The following SEC62 variants were observed in gnomAD, a reference collection of about 807,000 sequenced individuals.
The protein encoded by SEC62 is SEC62 preprotein translocation factor.
SEC62 carries 10 observed loss-of-function variants against 47.5 expected under a neutral mutation model. That is an observed-to-expected ratio of 0.21 (90% CI 0.13 to 0.36). SEC62 has a LOEUF of 0.36. SEC62 is among the 10% of genes least tolerant of loss of function. The pLI is 1.00. For synonymous variants in SEC62, 136 were observed against 150.5 expected, an observed-to-expected ratio of 0.90 and a Z score of 0.71; for missense variants, 327 against 464.1, an observed-to-expected ratio of 0.70 and a Z score of 2.71.
At chr3:169,983,833 A>G (rs1715035552) in intron 5 of SEC62, 1 of 152,220 alleles carries the variant, frequency 6.6e-6, no homozygotes, top group South Asian at 2.1e-4. Context: ...CCCAGCCGAA[A>G]TGTAGGGTTT....
chr3:169,982,682 A>G, intron 3 of SEC62, 25 bp from the exon 4 acceptor site: 1 of 1,602,036 alleles, frequency 6.2e-7, no homozygotes, highest in Non-Finnish European at 8.5e-7. Flanking sequence ...TGGGGAGTGT[A>G]ATGCCATACC....
intron 1 of SEC62, among the ~76,000 whole-genome samples, chr3:169,972,167 T>C (rs1189242372): frequency 6.6e-6 from 1 of 152,196 alleles, no homozygotes; most frequent in Non-Finnish European, 1.5e-5. Flanking sequence ...ATTTTTCTAG[T>C]TATGTCCTAT....
intron 4 of SEC62, 43 bp downstream of exon 4, chr3:169,982,954 G>A: frequency 6.5e-7 from 1 of 1,549,564 alleles, no homozygotes; most frequent in South Asian, 1.3e-5. Flanking sequence ...AAATCATTAT[G>A]TGCACATGAA....
Position 169,969,890 on chromosome 3 carries a change from T to A in SEC62, c.36+3032T>A, listed in dbSNP as rs973265448. On this transcript the variant is annotated intron_variant, in intron 1 of 7. Coordinates refer to ENST00000337002, the MANE Select transcript of SEC62 (RefSeq NM_003262.4). ...CATTTAAATGGCTAATTCTTAGAAC[T>A]TTTATAACCCTCCATTAGTTATTTT... 2.0e-5 allele frequency among the ~76,000 whole-genome samples: 3 copies of A among 152,328 alleles called. No homozygotes were observed. The South Asian group carries it at 6.2e-4, about 32-fold the overall frequency.
At chr3:169,975,565 C>T in intron 1 of SEC62, 43 bp from the exon 2 acceptor site, 2 of 1,222,160 alleles carry the variant, frequency 1.6e-6, no homozygotes, top group Non-Finnish European at 2.4e-6. Flanking sequence ...GCATGAATTT[C>T]TCAAGTATAT....
rs1320007248 is a variant in SEC62 at position 169,993,371 on chromosome 3, A to G, written c.*308A>G. The G allele has an allele frequency of 2.4e-5, 6 of 246,606 alleles. No homozygotes were observed. In the East Asian group the frequency reaches 5.2e-4, roughly 21 times the overall value. 15.3% of individuals were successfully genotyped at this position (246,606 alleles called of 1,614,324 possible). On this transcript the variant is annotated 3_prime_UTR_variant, in exon 8 of 8. Coordinates refer to ENST00000337002, the MANE Select transcript of SEC62 (RefSeq NM_003262.4). ...ATTTACATTAATGGCAATTTTTGAT[A>G]GTTTTATGGCTTTTTACTGTTAGAC...
intron 5 of SEC62, 97 bp from the exon 6 acceptor site, chr3:169,985,708 T>A: frequency 1.2e-6 from 1 of 833,502 alleles, no homozygotes; most frequent in Admixed American, 2.6e-5. Context: ...GTTAAGAGGT[T>A]GATGACTGCT....
chr3:169,970,092 A>G (rs1389064483), intron 1 of SEC62, among the ~76,000 whole-genome samples: 5 of 152,198 alleles, frequency 3.3e-5, no homozygotes, highest in African/African-American at 1.2e-4. Flanking sequence ...AGCCAGTCCT[A>G]AATCAGAAAA....
At chr3:169,979,327 G>A (rs1461596306) in intron 3 of SEC62, among the ~76,000 whole-genome samples, 2 of 151,900 alleles carry the variant, frequency 1.3e-5, no homozygotes, top group East Asian at 1.9e-4. Flanking sequence ...TCTTTTTTTG[G>A]CATCCTCCAA....
At chr3:169,986,835 C>T (rs1042915072) in intron 6 of SEC62, among the ~76,000 whole-genome samples, 2 of 152,032 alleles carry the variant, frequency 1.3e-5, no homozygotes, top group African/African-American at 4.8e-5. Context: ...CAGGTGATCT[C>T]CCACATCAGC....
At chr3:169,980,665 C>G in intron 3 of SEC62, among the ~76,000 whole-genome samples, 1 of 152,130 alleles carries the variant, frequency 6.6e-6, no homozygotes, top group East Asian at 1.9e-4. Context: ...TATTAAGAAT[C>G]ATTTTTTCCA....
chr3:169,974,391 A>T (rs930621050), intron 1 of SEC62, among the ~76,000 whole-genome samples: 2 of 152,238 alleles, frequency 1.3e-5, no homozygotes, highest in Non-Finnish European at 2.9e-5. Flanking sequence ...TATACATAAG[A>T]TGTATACAAA....
At position 169,973,695 on chromosome 3, in the gene SEC62, C is replaced by G. The variant is rs573478331; in HGVS notation, c.37-1913C>G. 3.7e-3 allele frequency among the ~76,000 whole-genome samples: 566 copies of G among 151,750 alleles called. 3 individuals carry two copies. Among genetic ancestry groups the G allele is most frequent in the Non-Finnish European group, 5.5e-3 (375 of 67,948 alleles). ...AAAAAAAAATCTACTTTTTGTGATACGTATTTTCATATATAAAAGTTTTAA... is the reference window on the plus strand; with the variant it reads ...AAAAAAAAATCTACTTTTTGTGATAGGTATTTTCATATATAAAAGTTTTAA... On this transcript the variant is annotated intron_variant, in intron 1 of 7. Transcript: ENST00000337002.
At chr3:169,975,472 G>A in intron 1 of SEC62, 136 bp from the exon 2 acceptor site, 2 of 543,858 alleles carry the variant, frequency 3.7e-6, no homozygotes, top group South Asian at 5.3e-5. Flanking sequence ...ACTTTATTAG[G>A]TCGCTCCAGA....
chr3:169,988,102 T>TA, intron 6 of SEC62, 138 bp from the exon 7 acceptor site: 1 of 838,996 alleles, frequency 1.2e-6, no homozygotes, highest in Non-Finnish European at 1.9e-6. Context: ...GACCATTTTT[T>TA]ACCTATAAAA....
chr3:169,990,112 A>AT (rs1715210447), intron 7 of SEC62, among the ~76,000 whole-genome samples: 1 of 150,098 alleles, frequency 6.7e-6, no homozygotes, highest in African/African-American at 2.4e-5. Context: ...ATATATATTC[A>AT]TTTTTTGGAG....
At chr3:169,968,339 C>T (rs1235681497) in intron 1 of SEC62, 1 of 151,958 alleles carries the variant, frequency 6.6e-6, no homozygotes, top group Non-Finnish European at 1.5e-5. Flanking sequence ...TATAATTCAC[C>T]TTTTGAATAG....
At chr3:169,986,942 G>C (rs1340267288) in intron 6 of SEC62, among the ~76,000 whole-genome samples, 1 of 151,984 alleles carries the variant, frequency 6.6e-6, no homozygotes, top group African/African-American at 2.4e-5. Context: ...GCCCAGGCTG[G>C]TCTCAAACTC....
chr3:169,974,345 C>G (rs1714775346), intron 1 of SEC62, among the ~76,000 whole-genome samples: 1 of 152,150 alleles, frequency 6.6e-6, no homozygotes, highest in African/African-American at 2.4e-5. Flanking sequence ...GCATTTGTTT[C>G]AATAGCTTAC....
Sources: allele counts gnomAD v4.1 joint callset (sites outside exome capture counted in the v4.1 genomes callset), GRCh38; gene constraint gnomAD v4.1.1; transcripts MANE v1.5; gene names NCBI Gene and HGNC (gene_info 2026-07-23, HGNC 2026-07-21).